Variants in DHRS9 observed in about 807,000 individuals in gnomAD.
DHRS9 encodes the protein dehydrogenase/reductase SDR family member 9.
A neutral mutation model predicts 26.6 loss-of-function variants in DHRS9; 18 were observed. The ratio of observed to expected loss-of-function variants is 0.68; its 90% confidence interval spans 0.47 to 1.00. DHRS9 has a LOEUF of 1.00. Ranked by LOEUF, DHRS9 falls within the 50% of genes least tolerant of loss-of-function variation. The pLI, the probability that DHRS9 is intolerant of heterozygous loss-of-function variation, is 0.00. For synonymous variants in DHRS9, 134 were observed against 141.1 expected (o/e 0.95, Z 0.36); for missense variants, 425 against 378.7 (o/e 1.12, Z -1.01).
chr2:169,074,349 T>G, intron 1 of DHRS9: 32 of 985,400 alleles, frequency 3.2e-5, no homozygotes, highest in Non-Finnish European at 3.9e-5. Flanking sequence ...GCTTCTGAGG[T>G]CTGGGCTCCT....
rs1414633876 is a variant in DHRS9 at position 169,091,965 on chromosome 2, G to A, written c.736+12G>A. 3.1e-6 allele frequency: 5 copies of A among 1,612,422 alleles called. No homozygotes were observed. The highest frequency in any genetic ancestry group is 4.2e-6 in the Non-Finnish European group (5 of 1,179,278). On this transcript the variant is annotated intron_variant, in intron 4 of 4. Coordinates refer to ENST00000674881, the MANE Select transcript of DHRS9 (RefSeq NM_001376924.1). Reference sequence around the variant, plus strand: ...TTACATTGAAAAAAGTGAGTTTCCGGGCGGTGCCAATGTCCTCTAGAATTC... The same window carrying A: ...TTACATTGAAAAAAGTGAGTTTCCGAGCGGTGCCAATGTCCTCTAGAATTC...
At chr2:169,081,035 C>T in intron 1 of DHRS9, 2 of 691,086 alleles carry the variant, frequency 2.9e-6, no homozygotes, top group Non-Finnish European at 3.6e-6. Context: ...AAAAAATGCT[C>T]TTCTTCTCCT....
Position 169,091,791 on chromosome 2 carries a change from C to T in DHRS9, c.574C>T (p.Arg192Trp), listed in dbSNP as rs754460573. 2.4e-5 allele frequency: 38 copies of T among 1,604,562 alleles called. No individual in the cohort carries two copies. Among genetic ancestry groups the T allele is most frequent in the Middle Eastern group, 1.7e-4 (1 of 6,020 alleles). ...ATCTTCAATGGGTTCTTTTCACAGA[C>T]GGGACATGAAAGCTTTTGGTGTGCA... ...AVEGFNDSLRRDMKAFGVHVS... is the reference protein window; with the variant it reads ...AVEGFNDSLRWDMKAFGVHVS... Residue 192 changes from arginine to tryptophan, a missense_variant and splice_region_variant, in exon 4 of 5, where the codon CGG becomes TGG. Coordinates refer to ENST00000674881, the MANE Select transcript of DHRS9 (RefSeq NM_001376924.1).
intron 1 of DHRS9, among the ~76,000 whole-genome samples, chr2:169,075,554 T>C (rs1683938947): frequency 6.6e-6 from 1 of 152,140 alleles, no homozygotes; most frequent in African/African-American, 2.4e-5. Context: ...AATTTTAAGA[T>C]CTTATTCAAA....
At chr2:169,087,642 G>A (rs1363382252) in intron 3 of DHRS9, among the ~76,000 whole-genome samples, 1 of 151,994 alleles carries the variant, frequency 6.6e-6, no homozygotes, top group Non-Finnish European at 1.5e-5. Context: ...CAAGGCCCAT[G>A]GTGAGTACCT....
At chr2:169,077,386 T>A (rs1327803710) in intron 1 of DHRS9, among the ~76,000 whole-genome samples, 3 of 152,212 alleles carry the variant, frequency 2.0e-5, no homozygotes, top group Non-Finnish European at 2.9e-5. Context: ...CAAATATTTA[T>A]AAGTTTATTT....
chr2:169,092,006 A>G (rs1300721244), intron 4 of DHRS9, 53 bp downstream of exon 4: 10 of 1,565,572 alleles, frequency 6.4e-6, no homozygotes, highest in Non-Finnish European at 8.7e-6. Context: ...CCTGAACAGC[A>G]TGAAGGAGAT....
chr2:169,069,738 C>A, intron 1 of DHRS9, 21 bp downstream of exon 1: 3 of 985,404 alleles, frequency 3.0e-6, no homozygotes, highest in Non-Finnish European at 3.6e-6. Flanking sequence ...ACAGTTTTGT[C>A]ATTTATTCTT....
upstream of DHRS9, among the ~76,000 whole-genome samples, chr2:169,067,786 A>G (rs1683687696): frequency 6.6e-6 from 1 of 152,156 alleles, no homozygotes; most frequent in Non-Finnish European, 1.5e-5. Flanking sequence ...AGTCTGGATA[A>G]GACACTGCTA....
At position 169,081,540 on chromosome 2, in the gene DHRS9, T is replaced by G. The variant is rs1199784406; in HGVS notation, c.-42T>G. On this transcript the variant is annotated 5_prime_UTR_variant, in exon 2 of 5. Coordinates refer to ENST00000674881, the MANE Select transcript of DHRS9 (RefSeq NM_001376924.1). Reference sequence around the variant, plus strand: ...ACACTCAGGACACCATCTTCTTGTATTATACAAGAAAGGAGTGTACCTATC... The same window carrying G: ...ACACTCAGGACACCATCTTCTTGTAGTATACAAGAAAGGAGTGTACCTATC... The G allele has an allele frequency of 2.5e-6, 4 of 1,577,596 alleles. No homozygotes were observed. Among genetic ancestry groups the G allele is most frequent in the Non-Finnish European group, 3.4e-6 (4 of 1,166,736 alleles).
At chr2:169,077,055 A>G (rs1001421701) in intron 1 of DHRS9, among the ~76,000 whole-genome samples, 1 of 152,204 alleles carries the variant, frequency 6.6e-6, no homozygotes, top group African/African-American at 2.4e-5. Flanking sequence ...AAAATAAGAC[A>G]TAAGTGGATC....
intron 3 of DHRS9, among the ~76,000 whole-genome samples, chr2:169,085,134 C>T (rs921021557): frequency 2.6e-5 from 4 of 152,078 alleles, no homozygotes; most frequent in Non-Finnish European, 4.4e-5. Flanking sequence ...TTGTCAAAAA[C>T]GAATCATTGT....
intron 1 of DHRS9, among the ~76,000 whole-genome samples, chr2:169,078,675 G>A (rs997982301): frequency 1.3e-5 from 2 of 152,014 alleles, no homozygotes; most frequent in Non-Finnish European, 2.9e-5. Flanking sequence ...GAAAAGAGTT[G>A]GAAAAACTAT....
intron 1 of DHRS9, chr2:169,070,220 A>T: frequency 1.0e-6 from 1 of 985,326 alleles, no homozygotes; most frequent in Non-Finnish European, 1.2e-6. Flanking sequence ...GAGGGGAAAA[A>T]ATGCCTTGTA....
At chr2:169,079,930 AGAGAGAGAGAGAGAGAGAG>A (rs1684107637) in intron 1 of DHRS9, among the ~76,000 whole-genome samples, 2 of 10,954 alleles carry the variant, frequency 1.8e-4, no homozygotes, top group Non-Finnish European at 4.2e-4. Context: ...GGAGAGAGAG[AGAGAGAGAGAGAGAGAGAG>A]AGAGAGAGAG....
chr2:169,075,899 G>A (rs570847852), intron 1 of DHRS9, among the ~76,000 whole-genome samples: 23 of 152,212 alleles, frequency 1.5e-4, no homozygotes, highest in Admixed American at 1.2e-3. Flanking sequence ...GGTGGTATCC[G>A]TCAGATTTCT....
intron 1 of DHRS9, among the ~76,000 whole-genome samples, chr2:169,079,071 A>T (rs1341395457): frequency 6.6e-6 from 1 of 151,252 alleles, no homozygotes. Context: ...CTGGTCTCAA[A>T]CTCCAGACCT....
chr2:169,080,498 G>T (rs1003370824), intron 1 of DHRS9, among the ~76,000 whole-genome samples: 1 of 152,190 alleles, frequency 6.6e-6, no homozygotes, highest in Non-Finnish European at 1.5e-5. Context: ...TAAACCTCAG[G>T]TTCTTGTTCA....
chr2:169,091,314 A>G (rs1044050807), intron 3 of DHRS9, among the ~76,000 whole-genome samples: 1 of 152,118 alleles, frequency 6.6e-6, no homozygotes, highest in Non-Finnish European at 1.5e-5. Context: ...GCTCAACAGC[A>G]TAGGGAGCAG....
Sources: allele counts gnomAD v4.1 joint callset (sites outside exome capture counted in the v4.1 genomes callset), GRCh38; gene constraint gnomAD v4.1.1; transcripts MANE v1.5; gene names NCBI Gene and HGNC (gene_info 2026-07-23, HGNC 2026-07-21).